Variants in NCOR1 observed in about 807,000 individuals in gnomAD.
NCOR1 encodes protein phosphatase 1, regulatory subunit 109.
Under a neutral mutation model 288.1 loss-of-function variants are expected in NCOR1, and 63 were observed. That is an observed-to-expected ratio of 0.22 (90% CI 0.18 to 0.27). The LOEUF (loss-of-function observed/expected upper bound fraction) is 0.27. NCOR1 is among the 10% of genes least tolerant of loss of function. The pLI, the probability that NCOR1 is intolerant of heterozygous loss-of-function variation, is 1.00. For missense variants in NCOR1, 2,397 were observed against 3,019.2 expected (o/e 0.79, Z 4.83); for synonymous variants, 1,007 against 1,065.9 (o/e 0.94, Z 1.08).
At chr17:16,209,489 T>G (rs1432990109) in intron 1 of NCOR1, among the ~76,000 whole-genome samples, 1 of 149,868 alleles carries the variant, frequency 6.7e-6, no homozygotes, top group Admixed American at 6.6e-5. Context: ...TGGGAGGCCA[T>G]GGTGGGAGGA....
At chr17:16,052,344 A>G (rs1456574898) in intron 40 of NCOR1, among the ~76,000 whole-genome samples, 1 of 152,096 alleles carries the variant, frequency 6.6e-6, no homozygotes, top group South Asian at 2.1e-4. Flanking sequence ...GTTTTTAGAA[A>G]AAATTAATAA....
Position 16,064,049 on chromosome 17 carries a change from A to T in NCOR1, c.5221+19T>A, listed in dbSNP as rs1203939601. On this transcript the variant is annotated intron_variant, in intron 35 of 45. Transcript: ENST00000268712. ...CTAAGATGTGTCCAGAGAATGGAAG[A>T]GCAGTGCCTTTCACTGACCTGGCCG... The T allele has an allele frequency of 3.7e-6, 6 of 1,613,512 alleles. No individual in the cohort carries two copies. The highest frequency in any genetic ancestry group is 5.1e-6 in the Non-Finnish European group (6 of 1,179,614).
Position 16,045,094 on chromosome 17 carries a change from A to T in NCOR1, c.6679+1857T>A. 9.6e-6 allele frequency: 3 copies of T among 312,184 alleles called. No individual in the cohort carries two copies. The East Asian group carries it at 2.3e-4, about 24-fold the overall frequency. 19.3% of individuals were successfully genotyped at this position (312,184 alleles called of 1,614,324 possible). A position where few individuals can be genotyped will look rare whatever the true frequency, so the allele number is the denominator to read the frequency against. ...GACTGATAAGACTGGGGGGATAGTT[A>T]GTACAAGTGAGTGCTGAGAGAACAC... On this transcript the variant is annotated intron_variant, in intron 42 of 45. Transcript: ENST00000268712.
intron 8 of NCOR1, among the ~76,000 whole-genome samples, chr17:16,149,720 A>T (rs1179032643): frequency 2.0e-5 from 3 of 152,162 alleles, no homozygotes; most frequent in Non-Finnish European, 4.4e-5. Flanking sequence ...AGTTCCTCCC[A>T]TTCTACAGTA....
At chr17:16,092,958 C>T (rs1328722005) in intron 21 of NCOR1, among the ~76,000 whole-genome samples, 1 of 151,636 alleles carries the variant, frequency 6.6e-6, no homozygotes, top group African/African-American at 2.4e-5. Context: ...CTCACCTCAG[C>T]CTCCCGAAAT....
intron 15 of NCOR1, among the ~76,000 whole-genome samples, chr17:16,124,999 G>C (rs2073756056): frequency 6.6e-6 from 1 of 152,188 alleles, no homozygotes; most frequent in African/African-American, 2.4e-5. Context: ...AGTTCATTAA[G>C]TCAAAAATTA....
intron 42 of NCOR1, chr17:16,044,849 G>C: frequency 1.1e-6 from 1 of 926,492 alleles, no homozygotes; most frequent in Non-Finnish European, 1.7e-6. Flanking sequence ...TGCTGCACCA[G>C]TGGGATCCTG....
At chr17:16,138,919 G>C in intron 12 of NCOR1, 89 bp downstream of exon 12, 1 of 1,034,278 alleles carries the variant, frequency 9.7e-7, no homozygotes, top group Non-Finnish European at 1.4e-6. Flanking sequence ...AAGTTTTTGT[G>C]AAAACAGTTC....
intron 26 of NCOR1, among the ~76,000 whole-genome samples, chr17:16,078,029 A>G (rs1393562865): frequency 1.3e-5 from 2 of 152,186 alleles, no homozygotes; most frequent in Non-Finnish European, 2.9e-5. Flanking sequence ...CAGGTTATCT[A>G]TATTTTCACC....
At chr17:16,177,675 C>G (rs2084494619) in intron 3 of NCOR1, among the ~76,000 whole-genome samples, 1 of 152,174 alleles carries the variant, frequency 6.6e-6, no homozygotes. Flanking sequence ...CTGGCCCCCT[C>G]TACCAGCCAG....
chr17:16,087,086 G>T (rs1198638355), intron 22 of NCOR1: 2 of 960,166 alleles, frequency 2.1e-6, no homozygotes, highest in East Asian at 6.2e-5. Context: ...TCCTGGAAGA[G>T]CAGTTCATTC....
chr17:16,206,916 T>A (rs1408809304), intron 1 of NCOR1, among the ~76,000 whole-genome samples: 2 of 152,138 alleles, frequency 1.3e-5, no homozygotes, highest in Non-Finnish European at 2.9e-5. Context: ...GGTATATATA[T>A]AAAATAATGT....
At chr17:16,085,838 A>T (rs1014188723) in intron 23 of NCOR1, among the ~76,000 whole-genome samples, 1 of 152,226 alleles carries the variant, frequency 6.6e-6, no homozygotes, top group African/African-American at 2.4e-5. Context: ...ACCAGACCAT[A>T]TCTCAATTTT....
intron 44 of NCOR1, among the ~76,000 whole-genome samples, chr17:16,037,105 G>T (rs1027503097): frequency 6.6e-6 from 1 of 152,206 alleles, no homozygotes; most frequent in Non-Finnish European, 1.5e-5. Flanking sequence ...ATTGTTGTGT[G>T]TCAGGGAATA....
chr17:16,057,941 G>A lies in NCOR1; in HGVS notation c.6134C>T (p.Thr2045Ile), dbSNP rs2152554791. The change falls in exon 39 of 46, where the codon ACC (threonine) becomes ATC (isoleucine). Residue 2045 changes from threonine to isoleucine, a missense_variant. Physicochemically the swap from Thr to Ile is moderately conservative, Grantham distance 89. Transcript: ENST00000268712. ...ATCAGCAAGTGTGATCAGCCGATGG[G>A]TCCTGGGCACTTGCCCCATTCCCTC... Reference protein sequence around the residue: ...QAEGMGQVPRTHRLITLADHI... With the variant: ...QAEGMGQVPRIHRLITLADHI... 6.2e-7 allele frequency: 1 copy of A among 1,614,156 alleles called. No individual in the cohort carries two copies. The highest frequency in any genetic ancestry group is 8.5e-7 in the Non-Finnish European group (1 of 1,180,020).
At chr17:16,148,875 TTCA>T (rs1017651800) in intron 9 of NCOR1, among the ~76,000 whole-genome samples, 3 of 152,096 alleles carry the variant, frequency 2.0e-5, no homozygotes, top group African/African-American at 7.2e-5. Context: ...TAGCAGACAC[TTCA>T]GTTTAAATGT....
chr17:16,086,838 G>A (rs1488775125), intron 22 of NCOR1, among the ~76,000 whole-genome samples: 1 of 152,148 alleles, frequency 6.6e-6, no homozygotes, highest in Non-Finnish European at 1.5e-5. Flanking sequence ...CATCCTTTTT[G>A]CATCTTGCAT....
intron 19 of NCOR1, among the ~76,000 whole-genome samples, chr17:16,105,787 A>C (rs2068504575): frequency 6.6e-6 from 1 of 152,188 alleles, no homozygotes; most frequent in Non-Finnish European, 1.5e-5. Flanking sequence ...AGTACCTCAC[A>C]TGTAGTAAGG....
At chr17:16,133,335 T>C (rs138845424) in intron 14 of NCOR1, among the ~76,000 whole-genome samples, 15 of 152,228 alleles carry the variant, frequency 9.9e-5, no homozygotes, top group African/African-American at 3.6e-4. Context: ...GAGTAGAGGA[T>C]AGGGAGAGTA....
Sources: allele counts gnomAD v4.1 joint callset (sites outside exome capture counted in the v4.1 genomes callset), GRCh38; gene constraint gnomAD v4.1.1; transcripts MANE v1.5; gene names NCBI Gene and HGNC (gene_info 2026-07-23, HGNC 2026-07-21).